CDH17: variants seen among roughly 807,000 people sequenced by gnomAD.
CDH17 encodes the protein cadherin 17.
A neutral mutation model predicts 86.3 loss-of-function variants in CDH17; 67 were observed. The ratio of observed to expected loss-of-function variants is 0.78; its 90% CI spans 0.64 to 0.95. CDH17 has a LOEUF of 0.95. CDH17 is among the 40% of genes least tolerant of loss of function. CDH17 has a pLI of 0.00. For missense variants in CDH17, 993 were observed against 1,017.6 expected (o/e 0.98, Z 0.33); for synonymous variants, 367 against 366.4 (o/e 1.00, Z -0.02).
chr8:94,216,431 C>T (rs1814194917), intron 1 of CDH17, among the ~76,000 whole-genome samples: 2 of 152,152 alleles, frequency 1.3e-5, no homozygotes, highest in South Asian at 4.1e-4. Context: ...CAGATCCCTT[C>T]TAAGGAGGCC....
chr8:94,160,190 T>C (rs1350490055), intron 11 of CDH17, 28 bp from the exon 12 acceptor site: 2 of 1,556,904 alleles, frequency 1.3e-6, no homozygotes, highest in Admixed American at 3.5e-5. Context: ...AAGGAAACAA[T>C]GAGAAGGTCT....
rs34799637 is a variant in CDH17, at chr8:94,197,829, T to TA, written c.-20-3125dup. 4.6e-3 allele frequency among the ~76,000 whole-genome samples: 564 copies of TA among 121,380 alleles called. 4 individuals are homozygous for TA. The highest frequency in any genetic ancestry group is 0.013 in the Middle Eastern group (3 of 228). 79.6% of individuals were successfully genotyped at this position (121,380 alleles called of 152,430 possible). ...CTGGGTGATGGAACGAGACTCTGTC[T>TA]AAAAAAAAAAAAAAAAAAAGAAAAA... On this transcript the variant is annotated intron_variant, in intron 1 of 17. Coordinates refer to ENST00000027335, the MANE Select transcript of CDH17 (RefSeq NM_004063.4).
chr8:94,191,752 C>A (rs147518699), intron 2 of CDH17, among the ~76,000 whole-genome samples: 1 of 152,326 alleles, frequency 6.6e-6, no homozygotes, highest in African/African-American at 2.4e-5. Flanking sequence ...CCATGCCCGG[C>A]CAAGAAAATG....
chr8:94,158,856 C>T (rs1181692776), intron 12 of CDH17, among the ~76,000 whole-genome samples: 1 of 152,150 alleles, frequency 6.6e-6, no homozygotes, highest in Non-Finnish European at 1.5e-5. Context: ...TTTCTCTGTG[C>T]TTCTGTCCAT....
intron 15 of CDH17, among the ~76,000 whole-genome samples, chr8:94,135,906 C>T (rs1237966454): frequency 2.0e-5 from 3 of 152,156 alleles, no homozygotes; most frequent in Non-Finnish European, 4.4e-5. Context: ...TTCTCCTTCA[C>T]TTATGAAGCT....
chr8:94,173,517 C>T (rs950942671), intron 7 of CDH17, among the ~76,000 whole-genome samples: 6 of 152,182 alleles, frequency 3.9e-5, no homozygotes, highest in African/African-American at 7.2e-5. Flanking sequence ...GCCTGCAAAA[C>T]GATGCACCAA....
At chr8:94,190,960 G>T (rs181908923) in intron 2 of CDH17, among the ~76,000 whole-genome samples, 26 of 152,332 alleles carry the variant, frequency 1.7e-4, no homozygotes, top group Admixed American at 1.5e-3. Context: ...CAGATTTGTG[G>T]TAGGGCCTTA....
chr8:94,208,929 T>A (rs1338873194), upstream of CDH17, among the ~76,000 whole-genome samples: 1 of 152,194 alleles, frequency 6.6e-6, no homozygotes, highest in African/African-American at 2.4e-5. Flanking sequence ...AGCAAATATT[T>A]ATGTAGATTC....
At position 94,170,834 on chromosome 8, in the gene CDH17, A is replaced by T. The variant is rs1206386908; in HGVS notation, c.915+20T>A. 8 of 1,610,036 alleles carry T rather than the reference A, an allele frequency of 5.0e-6. No homozygotes were observed. Among genetic ancestry groups the T allele is most frequent in the Non-Finnish European group, 1.7e-6 (2 of 1,178,342 alleles). ...TAGGACTTTGTCTTGTCGCCTGTGAAACTCTTCTCTTTTACTCACTGCATC... is the reference window on the plus strand; with the variant it reads ...TAGGACTTTGTCTTGTCGCCTGTGATACTCTTCTCTTTTACTCACTGCATC... On this transcript the variant is annotated intron_variant, in intron 8 of 17. Coordinates refer to ENST00000027335, the MANE Select transcript of CDH17 (RefSeq NM_004063.4).
At position 94,151,861 on chromosome 8, in the gene CDH17, C is replaced by T. The variant is rs768366671; in HGVS notation, c.1796+7G>A. The T allele has an allele frequency of 1.2e-5, 20 of 1,614,104 alleles. No homozygotes were observed. The highest frequency in any genetic ancestry group is 1.4e-5 in the Non-Finnish European group (17 of 1,179,984). ...AGCCAGGCCTGCCCAGCACTGTTGC[C>T]CTTTACCTTATGTCCAGACCTTCTG... On this transcript the variant is annotated splice_region_variant and intron_variant, in intron 13 of 17. Coordinates refer to ENST00000027335, the MANE Select transcript of CDH17 (RefSeq NM_004063.4).
intron 9 of CDH17, among the ~76,000 whole-genome samples, 199 bp from the exon 10 acceptor site, chr8:94,166,175 A>G (rs558521540): frequency 6.6e-6 from 1 of 152,222 alleles, no homozygotes; most frequent in South Asian, 2.1e-4. Flanking sequence ...CAGGGCTGTC[A>G]TTAAGTATCA....
intron 12 of CDH17, among the ~76,000 whole-genome samples, chr8:94,154,019 A>G (rs117564003): frequency 2.6e-5 from 4 of 152,348 alleles, no homozygotes; most frequent in Non-Finnish European, 5.9e-5. Flanking sequence ...AAATCACAGA[A>G]GAGTAGATCT....
intron 17 of CDH17, among the ~76,000 whole-genome samples, chr8:94,128,919 T>C (rs555688253): frequency 6.6e-6 from 1 of 152,200 alleles, no homozygotes; most frequent in South Asian, 2.1e-4. Flanking sequence ...ACCTGATACA[T>C]CAAAATTACA....
intron 3 of CDH17, among the ~76,000 whole-genome samples, chr8:94,186,781 T>A (rs765744625): frequency 2.6e-5 from 4 of 152,246 alleles, no homozygotes; most frequent in Non-Finnish European, 2.9e-5. Flanking sequence ...AGTAAGCTTC[T>A]ACAGCACAAA....
rs372517277 is a variant in CDH17 at position 94,157,245 on chromosome 8, C to G, written c.1551+2726G>C. 6.7e-4 allele frequency among the ~76,000 whole-genome samples: 102 copies of G among 152,282 alleles called. 2 individuals carry two copies. In the South Asian group the frequency reaches 0.019, roughly 28 times the overall value. On this transcript the variant is annotated intron_variant, in intron 12 of 17. Coordinates refer to ENST00000027335, the MANE Select transcript of CDH17 (RefSeq NM_004063.4). ...CTTAAACTTTTAAAAATTATTAACA[C>G]AGTGGTTCAGAACAGTGGTAGTCCC...
At chr8:94,181,366 A>G (rs1187839469) in intron 3 of CDH17, among the ~76,000 whole-genome samples, 1 of 152,202 alleles carries the variant, frequency 6.6e-6, no homozygotes, top group Non-Finnish European at 1.5e-5. Context: ...AACAAAAGCC[A>G]GTCACATGGA....
intron 9 of CDH17, among the ~76,000 whole-genome samples, chr8:94,168,712 A>G (rs1191483187): frequency 6.6e-6 from 1 of 152,158 alleles, no homozygotes; most frequent in African/African-American, 2.4e-5. Flanking sequence ...TGACTTCTTC[A>G]GTCTCAGAAA....
At chr8:94,204,020 A>G (rs1043387168) in intron 1 of CDH17, among the ~76,000 whole-genome samples, 6 of 152,344 alleles carry the variant, frequency 3.9e-5, no homozygotes, top group African/African-American at 1.4e-4. Flanking sequence ...AGATGGGCTC[A>G]CGGGAGGCTA....
intron 11 of CDH17, among the ~76,000 whole-genome samples, chr8:94,160,610 T>G (rs184919223): frequency 1.4e-4 from 22 of 152,340 alleles, no homozygotes; most frequent in Admixed American, 1.4e-3. Flanking sequence ...ATTGTAGGCT[T>G]GCTTCTTATT....
Sources: gnomAD v4.1 joint callset for allele counts (sites outside exome capture counted in the v4.1 genomes callset) on GRCh38, gnomAD v4.1.1 for gene constraint, MANE v1.5 for transcripts, NCBI Gene and HGNC (gene_info 2026-07-23, HGNC 2026-07-21) for gene names.